Variants in NBAS observed in about 807,000 individuals in gnomAD.
NBAS encodes the protein NBAS subunit of NRZ tethering complex.
In NBAS, 219 loss-of-function variants were observed where a neutral mutation model predicts 302.5. That is an observed-to-expected ratio of 0.72 (90% CI 0.65 to 0.81). The LOEUF is 0.81. Among genes scored for constraint, NBAS ranks in the 30% least tolerant of loss-of-function variants. The pLI, the probability that NBAS is intolerant of heterozygous loss-of-function variation, is 0.00. For missense variants in NBAS, 2,932 were observed against 2,841.6 expected (o/e 1.03, Z -0.72); for synonymous variants, 1,118 against 1,021.6 (o/e 1.09, Z -1.80).
intron 44 of NBAS, among the ~76,000 whole-genome samples, chr2:15,252,575 T>C (rs1390574791): frequency 2.6e-5 from 4 of 151,142 alleles, no homozygotes; most frequent in Admixed American, 1.3e-4. Context: ...AAGGCTGTTA[T>C]TTAGGAAATG....
At chr2:14,935,551 C>A in the NBAS span, among the ~76,000 whole-genome samples, 1 of 152,192 alleles carries the variant, frequency 6.6e-6, no homozygotes, top group South Asian at 2.1e-4. Flanking sequence ...CTTATGAAAG[C>A]AGGTTAATAT....
In NBAS at chr2:15,327,788, T is replaced by C; in HGVS notation, c.4544A>G (p.Glu1515Gly). Residue 1515 changes from glutamate to glycine, a missense_variant, in exon 38 of 52, where the codon GAG (glutamate) becomes GGG (glycine). Transcript: ENST00000281513. ...AAATACTTCTCCTTTATTTTTAGCC[T>C]CTGCCAATTTTCCAGTTCTCAGCAA... ...EVLLRTGKLA[E>G]AKNKGEVFPT... is the part of the protein sequence containing the mutation. 6.2e-7 allele frequency: 1 copy of C among 1,613,828 alleles called. No individual in the cohort carries two copies. Among genetic ancestry groups the C allele is most frequent in the Non-Finnish European group, 8.5e-7 (1 of 1,179,802 alleles).
At chr2:15,372,081 T>C (rs1674513931) in intron 31 of NBAS, among the ~76,000 whole-genome samples, 1 of 152,140 alleles carries the variant, frequency 6.6e-6, no homozygotes. Flanking sequence ...TGCCCCCAGT[T>C]ACCCAGTAAT....
intron 50 of NBAS, among the ~76,000 whole-genome samples, chr2:15,184,206 A>G (rs1462599374): frequency 6.6e-6 from 1 of 152,170 alleles, no homozygotes; most frequent in Non-Finnish European, 1.5e-5. Context: ...GATAGTACAT[A>G]TCAAGTGGTC....
intron 10 of NBAS, among the ~76,000 whole-genome samples, chr2:15,509,550 C>T (rs942845940): frequency 1.3e-5 from 2 of 152,170 alleles, no homozygotes; most frequent in Non-Finnish European, 2.9e-5. Context: ...TTACACACTG[C>T]AGTATATATT....
At chr2:15,236,117 C>T (rs1368926567) in intron 45 of NBAS, among the ~76,000 whole-genome samples, 1 of 152,078 alleles carries the variant, frequency 6.6e-6, no homozygotes, top group African/African-American at 2.4e-5. Context: ...TTAGGAACCT[C>T]AAGAGTTTCC....
At chr2:14,848,762 C>T in the NBAS span, among the ~76,000 whole-genome samples, 2 of 151,664 alleles carry the variant, frequency 1.3e-5, no homozygotes, top group Non-Finnish European at 2.9e-5. Flanking sequence ...CAAGTGGGTC[C>T]CTGACCCCTG....
the NBAS span, among the ~76,000 whole-genome samples, chr2:15,089,610 G>A: frequency 6.6e-6 from 1 of 152,118 alleles, no homozygotes; most frequent in Non-Finnish European, 1.5e-5. Context: ...TGGGAGAGTG[G>A]AATGAGAGCA....
At chr2:15,129,009 T>A in the NBAS span, among the ~76,000 whole-genome samples, 1 of 152,140 alleles carries the variant, frequency 6.6e-6, no homozygotes, top group Non-Finnish European at 1.5e-5. Flanking sequence ...AGCAGGGGGC[T>A]GGGCGGGCCC....
chr2:15,108,861 T>C, the NBAS span, among the ~76,000 whole-genome samples: 1 of 152,216 alleles, frequency 6.6e-6, no homozygotes, highest in African/African-American at 2.4e-5. Flanking sequence ...GGGTAGCATA[T>C]AAGATCAACC....
intron 35 of NBAS, 26 bp from the exon 36 acceptor site, chr2:15,330,791 G>A (rs1226319389): frequency 3.1e-6 from 5 of 1,609,972 alleles, no homozygotes; most frequent in East Asian, 4.5e-5. Context: ...AAAATAGCAA[G>A]GGCAAAAATG....
intron 11 of NBAS, among the ~76,000 whole-genome samples, 171 bp downstream of exon 11, chr2:15,503,974 T>G (rs1158969129): frequency 6.6e-6 from 1 of 152,156 alleles, no homozygotes; most frequent in South Asian, 2.1e-4. Flanking sequence ...AATATAAAAA[T>G]CTTCAGCACC....
At chr2:15,028,015 C>T in the NBAS span, among the ~76,000 whole-genome samples, 1 of 152,168 alleles carries the variant, frequency 6.6e-6, no homozygotes. Context: ...TCTTTTGATA[C>T]ATCGCTGGGA....
the NBAS span, among the ~76,000 whole-genome samples, chr2:14,912,038 G>A: frequency 5.3e-5 from 8 of 152,116 alleles, 1 homozygote; most frequent in Admixed American, 2.6e-4. Context: ...CGGGCTATAG[G>A]GTAGGGCCTA....
the NBAS span, among the ~76,000 whole-genome samples, chr2:14,997,671 T>G: frequency 2.0e-5 from 3 of 152,136 alleles, no homozygotes. Flanking sequence ...AAGTAAACAA[T>G]ACAGTATTGT....
At chr2:14,928,863 C>A in the NBAS span, among the ~76,000 whole-genome samples, 1 of 152,118 alleles carries the variant, frequency 6.6e-6, no homozygotes, top group African/African-American at 2.4e-5. Flanking sequence ...CATTTGTAAC[C>A]AAGCTCTAGG....
chr2:15,449,713 T>C (rs924177416), intron 21 of NBAS, among the ~76,000 whole-genome samples: 5 of 152,050 alleles, frequency 3.3e-5, no homozygotes, highest in Admixed American at 2.0e-4. Flanking sequence ...TCCCAGCCAA[T>C]AGAGGCTGTT....
At chr2:15,365,401 T>G (rs2148336607) in intron 32 of NBAS, among the ~76,000 whole-genome samples, 1 of 152,322 alleles carries the variant, frequency 6.6e-6, no homozygotes, top group Non-Finnish European at 1.5e-5. Flanking sequence ...ACAGAGCACT[T>G]TCACATGCAT....
At chr2:14,856,500 TCAAA>T in the NBAS span, among the ~76,000 whole-genome samples, 23 of 152,174 alleles carry the variant, frequency 1.5e-4, no homozygotes, top group African/African-American at 5.3e-4. Flanking sequence ...ATGCAACTTT[TCAAA>T]CAGAGAATTC....
Sources: gnomAD v4.1 joint callset for allele counts (sites outside exome capture counted in the v4.1 genomes callset) on GRCh38, gnomAD v4.1.1 for gene constraint, MANE v1.5 for transcripts, NCBI Gene and HGNC (gene_info 2026-07-23, HGNC 2026-07-21) for gene names.